The following UNC79 variants were observed in gnomAD, a reference collection of about 807,000 sequenced individuals.
UNC79 encodes the protein unc-79 subunit of NALCN channel complex.
In UNC79, 37 loss-of-function variants were observed where a neutral mutation model predicts 283.1. The observed-to-expected ratio is 0.13, with a 90% CI of 0.10 to 0.17. The LOEUF (loss-of-function observed/expected upper bound fraction) is 0.17, where lower values mean the gene tolerates loss of function less well. UNC79 is among the 10% of genes least tolerant of loss of function. UNC79 has a pLI of 1.00. For synonymous variants in UNC79, 1,107 were observed against 1,200.2 expected, an observed-to-expected ratio of 0.92 and a Z score of 1.61; for missense variants, 2,272 against 3,211.1, an observed-to-expected ratio of 0.71 and a Z score of 7.07.
intron 40 of UNC79, among the ~76,000 whole-genome samples, chr14:93,672,569 A>T (rs2072976380): frequency 6.6e-6 from 1 of 152,196 alleles, no homozygotes; most frequent in African/African-American, 2.4e-5. Flanking sequence ...ATACAGTTAG[A>T]TAGAAGAAAT....
At position 93,506,067 on chromosome 14, in the gene UNC79, T is replaced by A. The variant is rs184019738; in HGVS notation, c.898+8781T>A. On this transcript the variant is annotated intron_variant, in intron 7 of 48. Transcript: ENST00000555664. ...TTCTTGCTATTTTCCCCTTTTTGTATCTCTAAGCTCCTATCTGGGATTGAA... is the reference window on the plus strand; with the variant it reads ...TTCTTGCTATTTTCCCCTTTTTGTAACTCTAAGCTCCTATCTGGGATTGAA... Among the ~76,000 whole-genome samples, 11 of 152,184 alleles carry A rather than the reference T, an allele frequency of 7.2e-5. No homozygotes were observed. In the East Asian group the frequency reaches 2.1e-3, roughly 29 times the overall value.
chr14:93,397,128 T>C (rs1021412849), intron 1 of UNC79: 1 of 152,206 alleles, frequency 6.6e-6, no homozygotes, highest in Non-Finnish European at 1.5e-5. Flanking sequence ...GTTTATTTTT[T>C]ATTTTATTTT....
intron 4 of UNC79, among the ~76,000 whole-genome samples, chr14:93,481,877 C>T (rs7142903): frequency 0.014 from 2,152 of 152,014 alleles, 24 homozygotes; most frequent in Middle Eastern, 0.038. Flanking sequence ...GTTTTATTGC[C>T]GAGTCATGGG....
rs1377736507 is a variant in UNC79, at chr14:93,474,682, C to T, written c.448+289C>T. 4.6e-5 allele frequency among the ~76,000 whole-genome samples: 7 copies of T among 152,094 alleles called. No homozygotes were observed. The highest frequency in any genetic ancestry group is 6.6e-5 in the Admixed American group (1 of 15,264). On this transcript the variant is annotated intron_variant, in intron 3 of 48. Transcript: ENST00000555664. This position sits in a 1 kb window ranked among gnomAD's most constrained non-coding sequence, Gnocchi z 4.1. ...TTTCTCTTCTTTCCTGATCAGTTATCATGAGGACTCTTGTTGAAATTATGA... is the reference window on the plus strand; with the variant it reads ...TTTCTCTTCTTTCCTGATCAGTTATTATGAGGACTCTTGTTGAAATTATGA...
At chr14:93,383,391 G>A (rs989074352) in intron 1 of UNC79, among the ~76,000 whole-genome samples, 6 of 152,138 alleles carry the variant, frequency 3.9e-5, no homozygotes, top group Non-Finnish European at 8.8e-5. Context: ...GGTATTGTGG[G>A]TTCCATTCCA....
At chr14:93,594,781 C>G (rs2064947030) in intron 23 of UNC79, among the ~76,000 whole-genome samples, 1 of 152,050 alleles carries the variant, frequency 6.6e-6, no homozygotes, top group Non-Finnish European at 1.5e-5. Context: ...GCTAGTAGTT[C>G]CATTCTCGGG....
chr14:93,640,648 T>G (rs1420014325), intron 32 of UNC79, among the ~76,000 whole-genome samples: 1 of 151,916 alleles, frequency 6.6e-6, no homozygotes, highest in Non-Finnish European at 1.5e-5. Flanking sequence ...ACAAACACAC[T>G]GATATTTCTT....
intron 35 of UNC79, among the ~76,000 whole-genome samples, 197 bp downstream of exon 38, chr14:93,646,843 C>CAATAAAA (rs2069667922): frequency 6.6e-6 from 1 of 151,814 alleles, no homozygotes. Context: ...GACCCTGTCT[C>CAATAAAA]AATAAAAAAT....
chr14:93,561,741 A>G (rs2062567462), intron 14 of UNC79, among the ~76,000 whole-genome samples: 2 of 152,202 alleles, frequency 1.3e-5, no homozygotes, highest in African/African-American at 4.8e-5. Context: ...AAGATCATCT[A>G]TCCACTCTAA....
chr14:93,501,367 T>A (rs999924804), intron 7 of UNC79, among the ~76,000 whole-genome samples: 11 of 151,652 alleles, frequency 7.3e-5, no homozygotes, highest in African/African-American at 1.9e-4. Flanking sequence ...AATTTTTTTT[T>A]AAAAAGGAAA....
At chr14:93,401,769 A>G (rs1353981823) in intron 1 of UNC79, among the ~76,000 whole-genome samples, 1 of 152,190 alleles carries the variant, frequency 6.6e-6, no homozygotes, top group Non-Finnish European at 1.5e-5. Context: ...GATTAGTGAT[A>G]TCTCTATTTG....
chr14:93,575,256 A>G (rs1473668307), intron 17 of UNC79, 58 bp downstream of exon 17: 2 of 1,608,516 alleles, frequency 1.2e-6, no homozygotes, highest in Non-Finnish European at 1.7e-6. Flanking sequence ...AACCCTTGTC[A>G]GTTATCCTAC....
intron 14 of UNC79, among the ~76,000 whole-genome samples, chr14:93,551,585 T>A (rs1314247599): frequency 6.6e-6 from 1 of 152,124 alleles, no homozygotes; most frequent in East Asian, 1.9e-4. Context: ...ATTTTGGATC[T>A]CCTAAGGCCA....
In UNC79 at chr14:93,656,620, C is replaced by G. The variant is rs12436777; in HGVS notation, c.6456+1213C>G. Among the ~76,000 whole-genome samples the G allele has an allele frequency of 4.8e-3, 724 of 152,194 alleles. 5 individuals carry two copies. Among genetic ancestry groups the G allele is most frequent in the African/African-American group, 0.017 (703 of 41,522 alleles). Reference sequence around the variant, plus strand: ...AGTGAGCCATGATCGCACCACTGCACTCTAGCCTGGATGACAGAGAGAGAC... The same window carrying G: ...AGTGAGCCATGATCGCACCACTGCAGTCTAGCCTGGATGACAGAGAGAGAC... On this transcript the variant is annotated intron_variant, in intron 38 of 48. Transcript: ENST00000555664.
At chr14:93,536,656 C>G (rs1259969697) in intron 11 of UNC79, among the ~76,000 whole-genome samples, 1 of 151,998 alleles carries the variant, frequency 6.6e-6, no homozygotes, top group Non-Finnish European at 1.5e-5. Context: ...TCCTTCTACA[C>G]CTTATGCTCT....
rs959711465 is a variant in UNC79, at chr14:93,418,868, C to T, written c.-350-48803C>T. 2.1e-4 allele frequency among the ~76,000 whole-genome samples: 32 copies of T among 151,832 alleles called. 1 individual carries two copies. Among genetic ancestry groups the T allele is most frequent in the Non-Finnish European group, 4.0e-4 (27 of 67,912 alleles). Reference sequence around the variant, plus strand: ...CTCCTGGTGCGCCATTTTTTAAGCCCGTTGGAAAAGCACAGTATTAGGGTG... The same window carrying T: ...CTCCTGGTGCGCCATTTTTTAAGCCTGTTGGAAAAGCACAGTATTAGGGTG... On this transcript the variant is annotated intron_variant, in intron 1 of 49. Transcript: ENST00000256339.
chr14:93,568,695 C>CA (rs1258352976), intron 14 of UNC79, among the ~76,000 whole-genome samples: 1 of 140,088 alleles, frequency 7.1e-6, no homozygotes, highest in African/African-American at 2.6e-5. Context: ...AAATAAAAAA[C>CA]AAAAAACAAA....
At chr14:93,436,590 A>G (rs1280862370) in intron 1 of UNC79, among the ~76,000 whole-genome samples, 1 of 152,170 alleles carries the variant, frequency 6.6e-6, no homozygotes, top group African/African-American at 2.4e-5. Flanking sequence ...TCAACCAATA[A>G]ATAAGCTTTA....
chr14:93,371,017 A>C (rs2054432424), intron 1 of UNC79, among the ~76,000 whole-genome samples: 1 of 152,176 alleles, frequency 6.6e-6, no homozygotes, highest in Non-Finnish European at 1.5e-5. Context: ...CTCCACATCC[A>C]GGAAGCTCAG....
Sources: gnomAD v4.1 joint callset for allele counts (sites outside exome capture counted in the v4.1 genomes callset) on GRCh38, gnomAD v4.1.1 for gene constraint, Gnocchi (gnomAD v3.1) non-coding constraint, MANE v1.5 for transcripts, NCBI Gene and HGNC (gene_info 2026-07-23, HGNC 2026-07-21) for gene names.